Variants in FAF1 observed in about 807,000 individuals in gnomAD.
The protein encoded by FAF1 is Fas associated factor 1.
A neutral mutation model predicts 92.5 loss-of-function variants in FAF1; 25 were observed. The ratio of observed to expected loss-of-function variants is 0.27; its 90% confidence interval spans 0.20 to 0.38. FAF1 has a LOEUF of 0.38. Ranked by LOEUF, FAF1 falls within the 10% of genes least tolerant of loss-of-function variation. The probability of loss-of-function intolerance (pLI) is 1.00; values close to 1 mark genes in which losing one functional copy is unlikely to be tolerated. For synonymous variants in FAF1, 234 were observed against 273.2 expected, an observed-to-expected ratio of 0.86 and a Z score of 1.42; for missense variants, 636 against 793.3, an observed-to-expected ratio of 0.80 and a Z score of 2.38.
rs188823285 is a variant in FAF1 at position 50,622,023 on chromosome 1, G to A, written c.745-25807C>T. On this transcript the variant is annotated intron_variant, in intron 8 of 18. Transcript: ENST00000396153. ...TCTACTAAAAATACAAAAATTAGCC[G>A]GGCATGGTGGCAGGTGCCTGTAATC... is the stretch of plus-strand genomic sequence containing the variant. 4.7e-3 allele frequency among the ~76,000 whole-genome samples: 720 copies of A among 151,958 alleles called. 10 individuals are homozygous for A. Among genetic ancestry groups the A allele is most frequent in the Non-Finnish European group, 5.2e-3 (355 of 67,936 alleles).
chr1:50,862,654 C>G (rs747000168), intron 1 of FAF1, among the ~76,000 whole-genome samples: 1 of 151,808 alleles, frequency 6.6e-6, no homozygotes, highest in East Asian at 1.9e-4. Flanking sequence ...AGAGACTCAC[C>G]TAACACATAA....
chr1:50,791,756 A>G (rs1474061636), intron 3 of FAF1, among the ~76,000 whole-genome samples: 5 of 152,186 alleles, frequency 3.3e-5, no homozygotes, highest in Admixed American at 2.0e-4. Context: ...CATTTATCAT[A>G]TCCATGTTAC....
intron 1 of FAF1, among the ~76,000 whole-genome samples, chr1:50,868,128 G>A (rs1644497355): frequency 6.6e-6 from 1 of 152,148 alleles, no homozygotes; most frequent in Admixed American, 6.6e-5. Flanking sequence ...GCTAAGCTAT[G>A]AGGATGCAAA....
intron 2 of FAF1, among the ~76,000 whole-genome samples, chr1:50,810,741 A>T (rs1033739380): frequency 1.3e-5 from 2 of 152,188 alleles, no homozygotes; most frequent in Admixed American, 6.5e-5. Context: ...ATTTCAGAAT[A>T]TAAAATTAAG....
chr1:50,715,994 T>C (rs769773685), intron 6 of FAF1, among the ~76,000 whole-genome samples: 1 of 152,226 alleles, frequency 6.6e-6, no homozygotes, highest in Non-Finnish European at 1.5e-5. Context: ...ACACTCTTTA[T>C]TGTCTTGACT....
intron 3 of FAF1, among the ~76,000 whole-genome samples, chr1:50,796,728 G>A (rs992825708): frequency 6.6e-6 from 1 of 152,084 alleles, no homozygotes; most frequent in African/African-American, 2.4e-5. Context: ...TGGTCCAGCT[G>A]CCTCCTGCAG....
chr1:50,882,713 C>G (rs1033351248), intron 1 of FAF1, among the ~76,000 whole-genome samples: 4 of 151,616 alleles, frequency 2.6e-5, no homozygotes, highest in Non-Finnish European at 5.9e-5. Flanking sequence ...TGGCTGGGTG[C>G]GGTGGCTCAC....
intron 7 of FAF1, among the ~76,000 whole-genome samples, chr1:50,693,623 A>G (rs1228666502): frequency 6.6e-6 from 1 of 152,078 alleles, no homozygotes; most frequent in Non-Finnish European, 1.5e-5. Context: ...GATAAAAAAT[A>G]AAATTTCTTA....
intron 1 of FAF1, among the ~76,000 whole-genome samples, chr1:50,900,630 T>C (rs1280569568): frequency 1.3e-5 from 2 of 152,162 alleles, no homozygotes; most frequent in South Asian, 2.1e-4. Context: ...CCTTATGAGG[T>C]TGTGAAAACT....
chr1:50,803,832 T>C (rs1662090324), intron 2 of FAF1, among the ~76,000 whole-genome samples: 1 of 152,142 alleles, frequency 6.6e-6, no homozygotes, highest in Admixed American at 6.5e-5. Flanking sequence ...CTCAATCTTA[T>C]GTACAGCAAA....
At chr1:50,448,483 A>T (rs906634253) in intron 18 of FAF1, among the ~76,000 whole-genome samples, 1 of 152,130 alleles carries the variant, frequency 6.6e-6, no homozygotes, top group African/African-American at 2.4e-5. Flanking sequence ...TGACTTCTGG[A>T]TGTGTTCCCT....
chr1:50,600,255 T>C (rs1315879231), intron 8 of FAF1, among the ~76,000 whole-genome samples: 2 of 152,188 alleles, frequency 1.3e-5, no homozygotes, highest in African/African-American at 4.8e-5. Flanking sequence ...ATTAATATAA[T>C]AGATGTGACT....
At chr1:50,900,154 A>G (rs1249905727) in intron 1 of FAF1, among the ~76,000 whole-genome samples, 4 of 152,178 alleles carry the variant, frequency 2.6e-5, no homozygotes, top group South Asian at 2.1e-4. Context: ...AACTGTATAC[A>G]TTCTCTCTCT....
At chr1:50,931,893 AT>A (rs1412246404) in intron 1 of FAF1, among the ~76,000 whole-genome samples, 6 of 83,528 alleles carry the variant, frequency 7.2e-5, no homozygotes, top group Non-Finnish European at 1.3e-4. Flanking sequence ...TAAATAAATA[AT>A]AATAATAATA....
chr1:50,728,989 G>A (rs1658783695), intron 6 of FAF1, among the ~76,000 whole-genome samples: 1 of 133,734 alleles, frequency 7.5e-6, no homozygotes, highest in South Asian at 2.4e-4. Flanking sequence ...GCTGAGAGAA[G>A]CCAAAGAAAA....
At chr1:50,752,092 CTT>C (rs1017195212) in intron 4 of FAF1, among the ~76,000 whole-genome samples, 124 of 152,286 alleles carry the variant, frequency 8.1e-4, no homozygotes, top group African/African-American at 2.9e-3. Flanking sequence ...GCCTCAGCCT[CTT>C]GAGTAGTTGG....
intron 2 of FAF1, among the ~76,000 whole-genome samples, chr1:50,823,878 G>T (rs1467868211): frequency 1.3e-5 from 2 of 152,092 alleles, no homozygotes; most frequent in Non-Finnish European, 2.9e-5. Flanking sequence ...AATTGAAAGG[G>T]TTTCCTTGGA....
intron 7 of FAF1, among the ~76,000 whole-genome samples, chr1:50,658,038 C>G (rs1194837701): frequency 6.6e-6 from 1 of 152,192 alleles, no homozygotes; most frequent in South Asian, 2.1e-4. Context: ...CCTCTAACCA[C>G]TTTCACTAGC....
At chr1:50,861,150 C>T (rs1644428988) in intron 1 of FAF1, among the ~76,000 whole-genome samples, 2 of 151,776 alleles carry the variant, frequency 1.3e-5, no homozygotes, top group South Asian at 4.1e-4. Context: ...CATTTCATAC[C>T]TCAAGCATCA....
Sources: allele counts gnomAD v4.1 joint callset (sites outside exome capture counted in the v4.1 genomes callset), GRCh38; gene constraint gnomAD v4.1.1; transcripts MANE v1.5; gene names NCBI Gene and HGNC (gene_info 2026-07-23, HGNC 2026-07-21).